DPP10: variants seen among roughly 807,000 people sequenced by gnomAD.
DPP10 encodes inactive dipeptidyl peptidase 10.
In DPP10, 33 loss-of-function variants were observed where a neutral mutation model predicts 120.9. The ratio of observed to expected loss-of-function variants is 0.27; its 90% CI spans 0.21 to 0.37. DPP10 has a LOEUF of 0.37. DPP10 is among the 10% of genes least tolerant of loss of function. The pLI, the probability that DPP10 is intolerant of heterozygous loss-of-function variation, is 1.00. For synonymous variants in DPP10, 337 were observed against 326.1 expected (o/e 1.03, Z -0.36); for missense variants, 816 against 942.8 (o/e 0.87, Z 1.76).
At chr2:115,150,833 A>G (rs928530390) in intron 1 of DPP10, among the ~76,000 whole-genome samples, 1 of 152,208 alleles carries the variant, frequency 6.6e-6, no homozygotes, top group African/African-American at 2.4e-5. Flanking sequence ...CTCATAGACA[A>G]TTTTCATATA....
intron 1 of DPP10, among the ~76,000 whole-genome samples, chr2:114,919,061 T>G (rs2106636210): frequency 6.7e-6 from 1 of 148,706 alleles, no homozygotes; most frequent in Middle Eastern, 3.6e-3. Flanking sequence ...AAAAGACCTT[T>G]CTGATGGATT....
chr2:114,808,737 T>C (rs550591887), intron 1 of DPP10, among the ~76,000 whole-genome samples: 2 of 151,968 alleles, frequency 1.3e-5, no homozygotes, highest in African/African-American at 4.8e-5. Context: ...ACAAACTCAT[T>C]CCCCACCTGG....
intron 21 of DPP10, among the ~76,000 whole-genome samples, chr2:115,827,339 GTATA>G (rs1553518934): frequency 7.0e-6 from 1 of 142,150 alleles, no homozygotes; most frequent in African/African-American, 2.6e-5. Flanking sequence ...ATATGTATAT[GTATA>G]TATATGTACA....
chr2:115,094,990 C>G (rs183822300), intron 1 of DPP10, among the ~76,000 whole-genome samples: 1 of 152,262 alleles, frequency 6.6e-6, no homozygotes, highest in African/African-American at 2.4e-5. Flanking sequence ...TTTGCCCTTC[C>G]CTGAAACAGA....
chr2:115,221,332 T>C lies in DPP10; in HGVS notation c.61-87907T>C, dbSNP rs1388866621. On this transcript the variant is annotated intron_variant, in intron 1 of 25. Transcript: ENST00000410059. ...CCTGGCTCACTTCACTCATTTGTGT[T>C]AGCATATGTTCCCTGTAGGAATTCA... 2.6e-5 allele frequency among the ~76,000 whole-genome samples: 4 copies of C among 152,176 alleles called. 1 individual carries two copies. Among genetic ancestry groups the C allele is most frequent in the Admixed American group, 1.3e-4 (2 of 15,250 alleles).
chr2:114,867,298 A>G (rs1045533342), intron 1 of DPP10, among the ~76,000 whole-genome samples: 4 of 152,192 alleles, frequency 2.6e-5, no homozygotes, highest in African/African-American at 9.6e-5. Flanking sequence ...AATTTGAGTT[A>G]TGGGAACTTT....
chr2:115,455,584 A>G (rs2073460655), intron 3 of DPP10, among the ~76,000 whole-genome samples: 1 of 152,146 alleles, frequency 6.6e-6, no homozygotes, highest in African/African-American at 2.4e-5. Flanking sequence ...AGGCTACAGT[A>G]ACCAAAACAG....
At chr2:114,513,206 T>C (rs1054844614) in intron 1 of DPP10, among the ~76,000 whole-genome samples, 4 of 152,136 alleles carry the variant, frequency 2.6e-5, no homozygotes, top group African/African-American at 4.8e-5. Flanking sequence ...TTATATATGT[T>C]CTCTCAACTT....
At chr2:114,801,273 A>AAAAAAAAAAAAAAAG (rs1278761461) in intron 1 of DPP10, among the ~76,000 whole-genome samples, 7 of 77,800 alleles carry the variant, frequency 9.0e-5, no homozygotes, top group African/African-American at 2.2e-4. Context: ...AAAAAAAAAA[A>AAAAAAAAAAAAAAAG]AAAAAAGAAA....
At chr2:114,901,747 G>A (rs143732856) in intron 1 of DPP10, among the ~76,000 whole-genome samples, 2 of 152,260 alleles carry the variant, frequency 1.3e-5, no homozygotes, top group African/African-American at 4.8e-5. Context: ...CCACAGACCA[G>A]GGCAGAGCTT....
intron 5 of DPP10, among the ~76,000 whole-genome samples, chr2:115,594,144 A>G (rs2082850471): frequency 1.3e-5 from 2 of 152,148 alleles, no homozygotes; most frequent in African/African-American, 4.8e-5. Flanking sequence ...ATCAATCTTA[A>G]TTCCTCAAAG....
At chr2:115,296,131 T>C (rs2060873823) in intron 1 of DPP10, among the ~76,000 whole-genome samples, 1 of 152,072 alleles carries the variant, frequency 6.6e-6, no homozygotes, top group South Asian at 2.1e-4. Context: ...TGGCACTTGC[T>C]CTGGAGGCAG....
intron 1 of DPP10, among the ~76,000 whole-genome samples, chr2:115,086,623 A>G (rs1406196676): frequency 6.6e-6 from 1 of 151,878 alleles, no homozygotes; most frequent in East Asian, 1.9e-4. Flanking sequence ...TGCCTGGCTA[A>G]TTTTTTGTAT....
intron 1 of DPP10, among the ~76,000 whole-genome samples, chr2:114,985,684 C>T (rs1309621988): frequency 1.3e-5 from 2 of 152,120 alleles, no homozygotes; most frequent in Non-Finnish European, 2.9e-5. Context: ...AAAGGCTGGA[C>T]GCAGTCACAT....
chr2:115,367,288 G>C (rs751647906), intron 3 of DPP10, among the ~76,000 whole-genome samples: 3 of 151,786 alleles, frequency 2.0e-5, no homozygotes, highest in African/African-American at 7.3e-5. Context: ...CTACTTTTTG[G>C]CAACATAGCC....
chr2:115,827,412 GTGTATATATATATA>G (rs1484192214), intron 21 of DPP10, among the ~76,000 whole-genome samples: 5 of 81,936 alleles, frequency 6.1e-5, no homozygotes, highest in African/African-American at 1.7e-4. Flanking sequence ...GTATGTGTGT[GTGTATATATATATA>G]TATATATATA....
rs564505515 is a variant in DPP10, at chr2:114,458,418, AT to A, written c.60+15589del. ...TCTAAGATTCTGCATTTTGAGACTGATTTTTTTTTAAATAAAGAGGTTGACT... is the reference window on the plus strand; with the variant it reads ...TCTAAGATTCTGCATTTTGAGACTGATTTTTTTTAAATAAAGAGGTTGACT... On this transcript the variant is annotated intron_variant, in intron 1 of 25. Coordinates refer to ENST00000410059, the MANE Select transcript of DPP10 (RefSeq NM_020868.6). Among the ~76,000 whole-genome samples the A allele has an allele frequency of 4.7e-4, 72 of 151,760 alleles. 1 individual carries two copies. Among genetic ancestry groups the A allele is most frequent in the African/African-American group, 1.4e-3 (56 of 41,390 alleles).
At chr2:115,456,596 C>T (rs529182417) in intron 3 of DPP10, among the ~76,000 whole-genome samples, 1 of 152,038 alleles carries the variant, frequency 6.6e-6, no homozygotes, top group Admixed American at 6.6e-5. Flanking sequence ...TAAAGAAAAT[C>T]TGGCCCATAT....
chr2:114,959,992 A>G (rs1698493362), intron 1 of DPP10, among the ~76,000 whole-genome samples: 1 of 152,194 alleles, frequency 6.6e-6, no homozygotes, highest in African/African-American at 2.4e-5. Context: ...ACCTGTGGTC[A>G]TCATTCTTGC....
Sources: allele counts gnomAD v4.1 joint callset (sites outside exome capture counted in the v4.1 genomes callset), GRCh38; gene constraint gnomAD v4.1.1; transcripts MANE v1.5; gene names NCBI Gene and HGNC (gene_info 2026-07-23, HGNC 2026-07-21).